Variants in DOCK2 observed in about 807,000 individuals in gnomAD.
The protein encoded by DOCK2 is dedicator of cytokinesis protein 2.
DOCK2 carries 87 observed loss-of-function variants against 248.9 expected under a neutral mutation model. That is an observed-to-expected ratio of 0.35 (90% CI 0.29 to 0.42). The LOEUF (loss-of-function observed/expected upper bound fraction) is 0.42, where lower values mean the gene tolerates loss of function less well. Among genes scored for constraint, DOCK2 ranks in the 10% least tolerant of loss-of-function variants. The pLI is 1.00. For synonymous variants in DOCK2, 805 were observed against 821.6 expected (o/e 0.98, Z 0.35); for missense variants, 1,747 against 2,300.2 (o/e 0.76, Z 4.92).
chr5:169,962,869 G>T (rs556376708), intron 27 of DOCK2, among the ~76,000 whole-genome samples: 60 of 152,224 alleles, frequency 3.9e-4, no homozygotes, highest in African/African-American at 1.4e-3. Flanking sequence ...AATTCTCCTT[G>T]CCCAGAACAG....
Position 169,718,700 on chromosome 5 carries a change from A to C in DOCK2, c.2176A>C (p.Arg726=), listed in dbSNP as rs775492877. Residue 726 remains arginine, a synonymous_variant, in exon 22 of 52, where the codon AGA becomes CGA. Coordinates refer to ENST00000520908, the MANE Select transcript of DOCK2 (RefSeq NM_004946.3). The stretch of plus-strand genomic sequence containing the variant: ...GAAGACTTACTTGGATACCTCCAGC[A>C]GAGGGGAGCAATGTGAGCCAATCCT... ...VLKTYLDTSS[R]GEQCEPILRT... is the part of the protein sequence containing the mutation. The C allele has an allele frequency of 3.2e-5, 51 of 1,613,892 alleles. No homozygotes were observed. The highest frequency in any genetic ancestry group is 4.2e-6 in the Non-Finnish European group (5 of 1,179,910).
At chr5:169,965,332 G>A (rs1777257875) in intron 27 of DOCK2, among the ~76,000 whole-genome samples, 1 of 152,188 alleles carries the variant, frequency 6.6e-6, no homozygotes, top group African/African-American at 2.4e-5. Context: ...TGATGCTAAT[G>A]CTGCTGGTCC....
At chr5:169,841,004 G>A (rs1319388702) in intron 27 of DOCK2, 152 bp downstream of exon 27, 1 of 852,930 alleles carries the variant, frequency 1.2e-6, no homozygotes, top group Non-Finnish European at 1.8e-6. Flanking sequence ...TGAGTTGGGA[G>A]GACTTGAGAA....
intron 1 of DOCK2, among the ~76,000 whole-genome samples, chr5:169,639,725 G>A (rs1757044876): frequency 6.6e-6 from 1 of 152,190 alleles, no homozygotes; most frequent in Admixed American, 6.5e-5. Flanking sequence ...GTAATCACAT[G>A]ACTGACTATA....
intron 27 of DOCK2, 50 bp downstream of exon 27, chr5:169,840,902 A>T: frequency 6.3e-7 from 1 of 1,581,818 alleles, no homozygotes; most frequent in Non-Finnish European, 8.6e-7. Flanking sequence ...TTCAGCATCT[A>T]AAAATGGATT....
At position 170,069,151 on chromosome 5, in the gene DOCK2, A is replaced by C. The variant is rs1276612076; in HGVS notation, c.4659A>C (p.Glu1553Asp). ...FAKYEKAFFT[E>D]EYVRDHPEDQ... ...GTCCTCCCCAGGCCTTCTTCACTGA[A>C]GAGTATGTCAGGGACCACCCTGAGG... Residue 1553 changes from glutamate to aspartate, a missense_variant, in exon 46 of 52, where the codon GAA becomes GAC. By Grantham distance (45) the Glu-to-Asp change is conservative (BLOSUM62 2). Transcript: ENST00000520908. The C allele has an allele frequency of 6.2e-7, 1 of 1,613,800 alleles. No individual in the cohort carries two copies. The highest frequency in any genetic ancestry group is 8.5e-7 in the Non-Finnish European group (1 of 1,179,910).
In DOCK2 at chr5:169,994,111, G is replaced by A. The variant is rs181489674; in HGVS notation, c.2994-1975G>A. Among the ~76,000 whole-genome samples, 20 of 152,276 alleles carry A rather than the reference G, an allele frequency of 1.3e-4. No homozygotes were observed. In the East Asian group the frequency reaches 1.3e-3, roughly 10 times the overall value. ...GTGGGTGTAGGGAGGGCAGGTGGCC[G>A]GAGTTTAGTTTTTGACATGTAAGCT... On this transcript the variant is annotated intron_variant, in intron 29 of 51. Coordinates refer to ENST00000520908, the MANE Select transcript of DOCK2 (RefSeq NM_004946.3).
chr5:169,728,051 A>T (rs1167211181), intron 22 of DOCK2, among the ~76,000 whole-genome samples: 1 of 152,202 alleles, frequency 6.6e-6, no homozygotes, highest in African/African-American at 2.4e-5. Context: ...GGAAGAAGAT[A>T]AAGGTTTACA....
Position 169,674,374 on chromosome 5 carries a change from A to G in DOCK2, c.399A>G (p.Ser133=), listed in dbSNP as rs140206456. The part of the protein sequence containing the change: ...DLMEWRSQLL[S]GTLPKDELKE... The stretch of plus-strand genomic sequence containing the variant: ...TGGAGTGGAGGTCCCAGCTTCTCTC[A>G]GGAACCTTACCCAAGGATGAGCTGA... Residue 133 remains serine, a synonymous_variant, in exon 6 of 52, where the codon TCA becomes TCG. Coordinates refer to ENST00000520908, the MANE Select transcript of DOCK2 (RefSeq NM_004946.3). 34 of 1,614,200 alleles carry G rather than the reference A, an allele frequency of 2.1e-5. No individual in the cohort carries two copies. In the African/African-American group the frequency reaches 3.9e-4, roughly 18 times the overall value.
chr5:169,893,212 C>T (rs1388765375), intron 27 of DOCK2, among the ~76,000 whole-genome samples: 1 of 152,204 alleles, frequency 6.6e-6, no homozygotes, highest in African/African-American at 2.4e-5. Flanking sequence ...TTCTGTGGTA[C>T]ATTCACCCCT....
At chr5:169,803,536 G>A (rs1006831912) in intron 26 of DOCK2, among the ~76,000 whole-genome samples, 3 of 152,180 alleles carry the variant, frequency 2.0e-5, no homozygotes, top group African/African-American at 7.2e-5. Flanking sequence ...AGTTTCCTAT[G>A]CCTAGACAGC....
chr5:169,854,429 C>T (rs1770788070), intron 27 of DOCK2, among the ~76,000 whole-genome samples: 1 of 152,150 alleles, frequency 6.6e-6, no homozygotes, highest in Non-Finnish European at 1.5e-5. Context: ...AAGTAATCTG[C>T]CTGCCTCAGC....
intron 22 of DOCK2, among the ~76,000 whole-genome samples, chr5:169,731,940 T>C (rs1056089934): frequency 6.6e-6 from 1 of 151,980 alleles, no homozygotes; most frequent in African/African-American, 2.4e-5. Flanking sequence ...GGCAACATGG[T>C]GAAACCCCAT....
intron 39 of DOCK2, among the ~76,000 whole-genome samples, chr5:170,046,767 C>T (rs748714298): frequency 1.6e-4 from 23 of 143,958 alleles, no homozygotes; most frequent in Admixed American, 2.9e-4. Context: ...GACACACACA[C>T]ATACACACAC....
chr5:169,711,417 T>A (rs963360694), intron 15 of DOCK2, among the ~76,000 whole-genome samples: 2 of 152,218 alleles, frequency 1.3e-5, no homozygotes, highest in African/African-American at 4.8e-5. Context: ...CAAAAACATC[T>A]GGACATGTGT....
At chr5:169,970,882 T>C (rs1450170589) in intron 27 of DOCK2, among the ~76,000 whole-genome samples, 1 of 152,148 alleles carries the variant, frequency 6.6e-6, no homozygotes, top group Non-Finnish European at 1.5e-5. Flanking sequence ...TTTTCTTTAA[T>C]TGAGTGTGGA....
At chr5:169,783,698 A>G (rs1765833079) in intron 25 of DOCK2, among the ~76,000 whole-genome samples, 1 of 152,178 alleles carries the variant, frequency 6.6e-6, no homozygotes. Flanking sequence ...AAGCTATGGG[A>G]GAAAGGGTGT....
At chr5:169,749,067 G>A (rs938333888) in intron 23 of DOCK2, among the ~76,000 whole-genome samples, 3 of 152,218 alleles carry the variant, frequency 2.0e-5, no homozygotes, top group Admixed American at 6.5e-5. Flanking sequence ...GACATCACAT[G>A]GGCTTCACCC....
intron 25 of DOCK2, among the ~76,000 whole-genome samples, chr5:169,791,074 A>G (rs548490780): frequency 2.0e-5 from 3 of 152,310 alleles, no homozygotes; most frequent in Non-Finnish European, 2.9e-5. Flanking sequence ...AACACTAAAC[A>G]GGGTTCTGAT....
Sources: gnomAD v4.1 joint callset for allele counts (sites outside exome capture counted in the v4.1 genomes callset) on GRCh38, gnomAD v4.1.1 for gene constraint, MANE v1.5 for transcripts, NCBI Gene and HGNC (gene_info 2026-07-23, HGNC 2026-07-21) for gene names.